The following TTLL5 variants were observed in gnomAD, a reference collection of about 807,000 sequenced individuals.
The protein encoded by TTLL5 is tubulin tyrosine ligase like 5, also known as tubulin polyglutamylase TTLL5.
A neutral mutation model predicts 168.4 loss-of-function variants in TTLL5; 132 were observed. The observed-to-expected ratio is 0.78, with a 90% CI of 0.68 to 0.91. The LOEUF is 0.91. Ranked by LOEUF, TTLL5 falls within the 40% of genes least tolerant of loss-of-function variation. TTLL5 has a pLI of 0.00. For missense variants in TTLL5, 1,545 were observed against 1,581.5 expected (o/e 0.98, Z 0.39); for synonymous variants, 546 against 558.6 (o/e 0.98, Z 0.32).
At position 75,783,292 on chromosome 14, in the gene TTLL5, T is replaced by C. The variant is rs776521337; in HGVS notation, c.2748T>C (p.Ser916=). The stretch of plus-strand genomic sequence containing the variant: ...TCTCTCCAGGGCCTTGCCACCATTC[T>C]TCTTTATCTCAAATTCCTTCAGCTA... ...SDLSPGPCHH[S]SLSQIPSAIP... is the part of the protein sequence containing the mutation. Residue 916 remains serine (S), a synonymous_variant, in exon 26 of 32, where the codon TCT becomes TCC. Coordinates refer to ENST00000298832, the MANE Select transcript of TTLL5 (RefSeq NM_015072.5). 29 of 1,614,096 alleles carry C rather than the reference T, an allele frequency of 1.8e-5. No homozygotes were observed. The highest frequency in any genetic ancestry group is 6.8e-6 in the Non-Finnish European group (8 of 1,180,046).
In TTLL5 at chr14:75,717,935, T is replaced by C. The variant is rs1164613605; in HGVS notation, c.815T>C (p.Val272Ala). The change falls in exon 10 of 32, where the codon GTC becomes GCC. Residue 272 changes from valine to alanine, a missense_variant. By Grantham distance (64) the Val-to-Ala change is moderately conservative. Coordinates refer to ENST00000298832, the MANE Select transcript of TTLL5 (RefSeq NM_015072.5). Reference protein sequence around the residue: ...NQFMHLTNYSVNKKSGDYVSC... With the variant: ...NQFMHLTNYSANKKSGDYVSC... ...TTCATGCATCTGACAAACTACAGTG[T>C]CAACAAGAAAAGTGGAGATTACGTC... is the stretch of plus-strand genomic sequence containing the variant. The C allele has an allele frequency of 6.2e-7, 1 of 1,613,608 alleles. No homozygotes were observed. The highest frequency in any genetic ancestry group is 1.3e-5 in the African/African-American group (1 of 74,904).
At chr14:75,939,911 TC>T (rs2034546536) in intron 31 of TTLL5, among the ~76,000 whole-genome samples, 1 of 152,050 alleles carries the variant, frequency 6.6e-6, no homozygotes, top group Non-Finnish European at 1.5e-5. Flanking sequence ...AAAAATCCAT[TC>T]TAATGCCCCA....
chr14:75,813,145 A>G (rs1003187958), intron 27 of TTLL5, among the ~76,000 whole-genome samples: 2 of 152,010 alleles, frequency 1.3e-5, no homozygotes, highest in Non-Finnish European at 2.9e-5. Flanking sequence ...CTTGAAGACT[A>G]AGTAGGTTAA....
intron 18 of TTLL5, among the ~76,000 whole-genome samples, chr14:75,757,436 A>T (rs2140283021): frequency 6.6e-6 from 1 of 152,326 alleles, no homozygotes; most frequent in Admixed American, 6.5e-5. Flanking sequence ...CTCAGATGTA[A>T]GCCCTTTAAG....
chr14:75,733,822 A>G (rs1888710735), intron 13 of TTLL5, among the ~76,000 whole-genome samples, 167 bp from the exon 14 acceptor site: 7 of 151,986 alleles, frequency 4.6e-5, no homozygotes, highest in Admixed American at 4.6e-4. Flanking sequence ...CATTTCTCAT[A>G]TTTTTGCCCA....
intron 27 of TTLL5, among the ~76,000 whole-genome samples, chr14:75,796,423 TTTAA>T (rs1242337442): frequency 6.6e-6 from 1 of 152,188 alleles, no homozygotes; most frequent in Non-Finnish European, 1.5e-5. Flanking sequence ...AGCTTTTTAG[TTTAA>T]TTAAATTCTA....
intron 27 of TTLL5, among the ~76,000 whole-genome samples, chr14:75,807,731 T>G (rs1893742119): frequency 6.6e-6 from 1 of 152,224 alleles, no homozygotes; most frequent in Non-Finnish European, 1.5e-5. Context: ...TCTGTCTCTT[T>G]CGGTGTGAAT....
intron 28 of TTLL5, among the ~76,000 whole-genome samples, chr14:75,840,962 A>G (rs1896196294): frequency 6.6e-6 from 1 of 152,182 alleles, no homozygotes. Context: ...GAAGCTTCCA[A>G]TCATGGCAGA....
intron 7 of TTLL5, among the ~76,000 whole-genome samples, chr14:75,700,090 A>G (rs542886868): frequency 1.2e-3 from 181 of 152,268 alleles, no homozygotes; most frequent in Admixed American, 1.9e-3. Flanking sequence ...TATTTTATCT[A>G]TAAGTTGAGT....
chr14:75,681,653 TGA>T, intron 4 of TTLL5, 26 bp downstream of exon 4: 1 of 1,596,272 alleles, frequency 6.3e-7, no homozygotes, highest in Middle Eastern at 1.7e-4. Context: ...ATACCTCACC[TGA>T]TCTGCTCATA....
rs116613576 is a variant in TTLL5 at position 75,701,500 on chromosome 14, C to T, written c.585+2230C>T. ...TGTAAGGGCAAAACATGTTGACTCT[C>T]AGGCTTTACTTTAGGTGGACATGGT... On this transcript the variant is annotated intron_variant, in intron 7 of 31. Transcript: ENST00000298832. Among the ~76,000 whole-genome samples, 159 of 152,316 alleles carry T rather than the reference C, an allele frequency of 1.0e-3. 1 individual carries two copies. The highest frequency in any genetic ancestry group is 3.6e-3 in the African/African-American group (148 of 41,578).
chr14:75,790,561 T>A (rs1892637927), intron 26 of TTLL5, among the ~76,000 whole-genome samples: 1 of 151,540 alleles, frequency 6.6e-6, no homozygotes, highest in Admixed American at 6.6e-5. Context: ...AGCCTTGACC[T>A]CCCAGGGCTT....
chr14:75,856,449 T>C (rs1897128392), intron 28 of TTLL5, among the ~76,000 whole-genome samples: 1 of 152,130 alleles, frequency 6.6e-6, no homozygotes, highest in Non-Finnish European at 1.5e-5. Flanking sequence ...AGAATAGACA[T>C]TCTAACAATA....
Position 75,669,439 on chromosome 14 carries a change from C to T in TTLL5, c.98C>T (p.Thr33Ile). 6.2e-7 allele frequency: 1 copy of T among 1,614,080 alleles called. No individual in the cohort carries two copies. The highest frequency in any genetic ancestry group is 8.5e-7 in the Non-Finnish European group (1 of 1,179,924). Residue 33 changes from threonine (T) to isoleucine (I), a missense_variant, in exon 3 of 32, where the codon ACT becomes ATT. Physicochemically the swap from Thr to Ile is moderately conservative, Grantham distance 89. Transcript: ENST00000298832. ...SQEDHPCIMW[T>I]GGCRRIPVLV... ...AGGGATCATCCATGCATCATGTGGA[C>T]TGGAGGCTGCAGGAGAATTCCAGTT...
chr14:75,731,998 CTCT>C (rs1888578374), intron 12 of TTLL5, among the ~76,000 whole-genome samples: 1 of 148,588 alleles, frequency 6.7e-6, no homozygotes, highest in Non-Finnish European at 1.5e-5. Context: ...CTTTCCCCGC[CTCT>C]TTTTTTTTTT....
intron 28 of TTLL5, among the ~76,000 whole-genome samples, chr14:75,836,262 A>C (rs972624969): frequency 5.9e-5 from 9 of 152,214 alleles, no homozygotes; most frequent in Non-Finnish European, 1.2e-4. Context: ...ACTGGAGGTC[A>C]TTATGTTAAG....
intron 12 of TTLL5, among the ~76,000 whole-genome samples, chr14:75,725,066 C>T (rs1330970451): frequency 1.3e-5 from 2 of 152,180 alleles, no homozygotes; most frequent in Non-Finnish European, 2.9e-5. Context: ...AACTGATCAG[C>T]CTGGACTTGT....
chr14:75,687,702 A>T (rs537835867), intron 5 of TTLL5, among the ~76,000 whole-genome samples: 16 of 152,218 alleles, frequency 1.1e-4, no homozygotes, highest in Non-Finnish European at 1.8e-4. Flanking sequence ...TTGTGTCCAG[A>T]ATATATAACA....
chr14:75,842,340 A>G (rs1371469065), intron 28 of TTLL5, among the ~76,000 whole-genome samples: 2 of 152,148 alleles, frequency 1.3e-5, no homozygotes, highest in East Asian at 1.9e-4. Context: ...AGTGGACCCT[A>G]TCTTCAGATA....
Sources: gnomAD v4.1 joint callset for allele counts (sites outside exome capture counted in the v4.1 genomes callset) on GRCh38, gnomAD v4.1.1 for gene constraint, MANE v1.5 for transcripts, NCBI Gene and HGNC (gene_info 2026-07-23, HGNC 2026-07-21) for gene names.